Variants in SEMA3A observed in about 807,000 individuals in gnomAD.
SEMA3A encodes semaphorin 3A, also known as semaphorin-3A.
A neutral mutation model predicts 97.9 loss-of-function variants in SEMA3A; 29 were observed. That is an observed-to-expected ratio of 0.30 (90% CI 0.22 to 0.40). SEMA3A has a LOEUF of 0.40. Among genes scored for constraint, SEMA3A ranks in the 10% least tolerant of loss-of-function variants. SEMA3A has a pLI of 1.00. For synonymous variants in SEMA3A, 321 were observed against 323.7 expected (o/e 0.99, Z 0.09); for missense variants, 763 against 951.3 (o/e 0.80, Z 2.60).
intron 1 of SEMA3A, among the ~76,000 whole-genome samples, chr7:84,482,386 ATATAT>A (rs1195139101): frequency 2.6e-5 from 4 of 152,226 alleles, no homozygotes; most frequent in African/African-American, 7.2e-5. Flanking sequence ...TTCATTCAAC[ATATAT>A]TTAGTGTTCA....
chr7:84,177,325 C>T (rs1797598737), intron 1 of SEMA3A, among the ~76,000 whole-genome samples: 1 of 151,938 alleles, frequency 6.6e-6, no homozygotes, highest in Non-Finnish European at 1.5e-5. Flanking sequence ...TTTGGTTTAC[C>T]TCAGTAGGCC....
intron 1 of SEMA3A, among the ~76,000 whole-genome samples, chr7:84,417,816 A>G (rs908491054): frequency 1.3e-5 from 2 of 152,076 alleles, no homozygotes; most frequent in Admixed American, 1.3e-4. Context: ...GACTCTTCAT[A>G]AATTTAAATT....
chr7:84,382,507 G>A (rs997587723), intron 1 of SEMA3A, among the ~76,000 whole-genome samples: 4 of 151,322 alleles, frequency 2.6e-5, no homozygotes, highest in African/African-American at 9.7e-5. Context: ...TTGAATGAGT[G>A]ACAATTTTAC....
At chr7:84,103,072 T>C (rs1321622118) in intron 4 of SEMA3A, among the ~76,000 whole-genome samples, 1 of 152,114 alleles carries the variant, frequency 6.6e-6, no homozygotes, top group Non-Finnish European at 1.5e-5. Context: ...GACAATGACA[T>C]TGCTATGTAT....
chr7:84,315,938 AT>A (rs575620427), intron 2 of SEMA3A, among the ~76,000 whole-genome samples: 17 of 151,214 alleles, frequency 1.1e-4, no homozygotes, highest in Admixed American at 5.9e-4. Context: ...ACTAATATAT[AT>A]TTTTTCTTTT....
chr7:84,030,992 T>G (rs1791727211), intron 6 of SEMA3A, among the ~76,000 whole-genome samples: 1 of 56,730 alleles, frequency 1.8e-5, no homozygotes, highest in African/African-American at 4.4e-5. Flanking sequence ...GTCAAGTTTT[T>G]TTTTTTTTTT....
chr7:84,057,061 G>C (rs988545789), intron 5 of SEMA3A, among the ~76,000 whole-genome samples: 5 of 152,164 alleles, frequency 3.3e-5, no homozygotes, highest in African/African-American at 1.2e-4. Context: ...TTAACTTAGA[G>C]AGTTCCTTAT....
Position 84,096,480 on chromosome 7 carries a change from G to GTTAT in SEMA3A, c.453+13986_453+13989dup, listed in dbSNP as rs1466082338. On this transcript the variant is annotated intron_variant, in intron 4 of 16. Coordinates refer to ENST00000265362, the MANE Select transcript of SEMA3A (RefSeq NM_006080.3). ...TTCAGTATAGCATTAAGCATAAGTA[G>GTTAT]TTATGAGTATACAAAAATTTCCAAA... Among the ~76,000 whole-genome samples, 15 of 152,062 alleles carry GTTAT rather than the reference G, an allele frequency of 9.9e-5. No individual in the cohort carries two copies. In the East Asian group the frequency reaches 2.9e-3, roughly 29 times the overall value.
intron 5 of SEMA3A, among the ~76,000 whole-genome samples, chr7:84,052,538 A>G (rs369674027): frequency 6.6e-6 from 1 of 151,958 alleles, no homozygotes; most frequent in Non-Finnish European, 1.5e-5. Flanking sequence ...GTTTGTATTT[A>G]TGTGGGATCG....
chr7:84,236,464 C>A (rs996464991), intron 3 of SEMA3A, among the ~76,000 whole-genome samples: 1 of 152,120 alleles, frequency 6.6e-6, no homozygotes, highest in Admixed American at 6.6e-5. Flanking sequence ...ATGATTGCCT[C>A]TCTTTGCAAG....
chr7:84,135,561 A>C (rs1373623935), intron 1 of SEMA3A, among the ~76,000 whole-genome samples: 8 of 152,204 alleles, frequency 5.3e-5, no homozygotes, highest in Non-Finnish European at 1.2e-4. Context: ...TAGACTGATC[A>C]ATATTGTGTA....
intron 1 of SEMA3A, among the ~76,000 whole-genome samples, chr7:84,405,638 G>C (rs1169770680): frequency 6.6e-6 from 1 of 152,122 alleles, no homozygotes; most frequent in African/African-American, 2.4e-5. Context: ...TGACCACATA[G>C]TTGGAAGTAA....
At chr7:84,465,774 C>T (rs893310861) in intron 1 of SEMA3A, among the ~76,000 whole-genome samples, 3 of 152,128 alleles carry the variant, frequency 2.0e-5, no homozygotes, top group Admixed American at 2.0e-4. Context: ...ACCAAATCTA[C>T]TCTACTCATT....
At chr7:84,181,390 T>C (rs1206446142) in intron 1 of SEMA3A, among the ~76,000 whole-genome samples, 1 of 132,294 alleles carries the variant, frequency 7.6e-6, no homozygotes, top group Non-Finnish European at 1.7e-5. Context: ...AAAATTGATA[T>C]CATGCTAAAA....
chr7:84,255,593 G>A (rs1361491058), intron 3 of SEMA3A, among the ~76,000 whole-genome samples: 1 of 151,920 alleles, frequency 6.6e-6, no homozygotes, highest in Non-Finnish European at 1.5e-5. Flanking sequence ...CCTTTTCTTT[G>A]GTCTAACCTA....
At chr7:84,186,053 G>T (rs777233261) in intron 1 of SEMA3A, among the ~76,000 whole-genome samples, 1 of 152,100 alleles carries the variant, frequency 6.6e-6, no homozygotes, top group Non-Finnish European at 1.5e-5. Flanking sequence ...GCAGCTCTAA[G>T]TCATATAAAT....
At chr7:84,296,507 G>A (rs1041984550) in intron 3 of SEMA3A, among the ~76,000 whole-genome samples, 3 of 152,114 alleles carry the variant, frequency 2.0e-5, no homozygotes, top group African/African-American at 7.2e-5. Flanking sequence ...GTAGCAGAGT[G>A]GCAAGCCTAT....
chr7:84,294,342 C>T (rs950561071), intron 3 of SEMA3A, among the ~76,000 whole-genome samples: 5 of 151,954 alleles, frequency 3.3e-5, no homozygotes, highest in African/African-American at 1.2e-4. Flanking sequence ...ATCTCATTAC[C>T]GCTGTAGTTG....
intron 1 of SEMA3A, among the ~76,000 whole-genome samples, chr7:84,486,057 T>A (rs1806566971): frequency 6.6e-6 from 1 of 152,196 alleles, no homozygotes. Context: ...CATATTTTAA[T>A]CTAAAGGGGA....
Sources: allele counts gnomAD v4.1 joint callset (sites outside exome capture counted in the v4.1 genomes callset), GRCh38; gene constraint gnomAD v4.1.1; transcripts MANE v1.5; gene names NCBI Gene and HGNC (gene_info 2026-07-23, HGNC 2026-07-21).